Variants in NKAIN3 observed in about 807,000 individuals in gnomAD.
The protein encoded by NKAIN3 is sodium/potassium-transporting ATPase subunit beta-1-interacting protein 3.
A neutral mutation model predicts 30.2 loss-of-function variants in NKAIN3; 25 were observed. The observed-to-expected ratio is 0.83, with a 90% CI of 0.60 to 1.16. The LOEUF is 1.16. NKAIN3 is among the 50% of genes most tolerant of loss of function. The pLI, the probability that NKAIN3 is intolerant of heterozygous loss-of-function variation, is 0.00. For missense variants in NKAIN3, 225 were observed against 254.1 expected (o/e 0.89, Z 0.78); for synonymous variants, 91 against 89.6 (o/e 1.02, Z -0.09).
intron 4 of NKAIN3, among the ~76,000 whole-genome samples, chr8:62,896,711 T>C (rs1821438735): frequency 6.6e-6 from 1 of 152,196 alleles, no homozygotes; most frequent in African/African-American, 2.4e-5. Flanking sequence ...GTTGGTTAAG[T>C]GGCTCTAGCT....
chr8:62,693,478 A>G (rs1474505069), intron 3 of NKAIN3, among the ~76,000 whole-genome samples: 2 of 152,214 alleles, frequency 1.3e-5, no homozygotes, highest in African/African-American at 2.4e-5. Context: ...GGTCAGTGCA[A>G]AGGCTTAGCC....
intron 1 of NKAIN3, among the ~76,000 whole-genome samples, chr8:62,410,618 A>G (rs911801787): frequency 6.6e-6 from 1 of 152,186 alleles, no homozygotes; most frequent in Non-Finnish European, 1.5e-5. Context: ...ACCACTAGCT[A>G]GATTAACAAA....
At chr8:62,848,375 T>C (rs1819756770) in intron 4 of NKAIN3, among the ~76,000 whole-genome samples, 1 of 152,068 alleles carries the variant, frequency 6.6e-6, no homozygotes, top group Non-Finnish European at 1.5e-5. Context: ...TTCTTAAAAA[T>C]ATCCTTCATT....
intron 4 of NKAIN3, among the ~76,000 whole-genome samples, chr8:62,771,831 A>G (rs1817022334): frequency 6.6e-6 from 1 of 152,188 alleles, no homozygotes; most frequent in African/African-American, 2.4e-5. Context: ...ACTTTGATAC[A>G]GGCATACAAT....
intron 1 of NKAIN3, among the ~76,000 whole-genome samples, chr8:62,477,262 G>C (rs182000743): frequency 3.3e-5 from 5 of 152,208 alleles, no homozygotes; most frequent in East Asian, 1.9e-4. Flanking sequence ...GCAAATGTAC[G>C]CATGCACACA....
chr8:62,572,732 T>C (rs912652430), intron 1 of NKAIN3, among the ~76,000 whole-genome samples: 2 of 151,310 alleles, frequency 1.3e-5, no homozygotes, highest in African/African-American at 4.9e-5. Flanking sequence ...TTTAAAACCA[T>C]TAGATCTCAT....
intron 4 of NKAIN3, among the ~76,000 whole-genome samples, chr8:62,782,083 A>G (rs1330595841): frequency 6.6e-6 from 1 of 151,984 alleles, no homozygotes; most frequent in Non-Finnish European, 1.5e-5. Flanking sequence ...CTCAACAGGA[A>G]AAAATTCTCA....
At chr8:62,472,025 G>A (rs1806368664) in intron 1 of NKAIN3, among the ~76,000 whole-genome samples, 1 of 77,466 alleles carries the variant, frequency 1.3e-5, no homozygotes, top group Non-Finnish European at 2.8e-5. Flanking sequence ...GCAAGACTCT[G>A]TTTAAAAAAA....
chr8:62,298,946 A>G (rs1472220994), intron 1 of NKAIN3, among the ~76,000 whole-genome samples: 1 of 151,490 alleles, frequency 6.6e-6, no homozygotes, highest in Non-Finnish European at 1.5e-5. Flanking sequence ...CCCCAATACA[A>G]TGCAAGATCC....
At chr8:62,691,970 C>CTGAT (rs1813981747) in intron 3 of NKAIN3, among the ~76,000 whole-genome samples, 2 of 152,206 alleles carry the variant, frequency 1.3e-5, no homozygotes, top group Non-Finnish European at 2.9e-5. Flanking sequence ...GGCAGCTTTG[C>CTGAT]TGATCTTTGA....
intron 1 of NKAIN3, among the ~76,000 whole-genome samples, chr8:62,403,058 C>G (rs189783081): frequency 5.3e-4 from 81 of 152,264 alleles, no homozygotes; most frequent in South Asian, 2.5e-3. Context: ...CTGAGGTGGT[C>G]TCAGATGGAG....
intron 1 of NKAIN3, among the ~76,000 whole-genome samples, chr8:62,569,196 T>C (rs976284112): frequency 2.0e-5 from 3 of 152,180 alleles, no homozygotes; most frequent in East Asian, 1.9e-4. Flanking sequence ...CTGTCTAGCA[T>C]AGTGGCAAGT....
intron 1 of NKAIN3, among the ~76,000 whole-genome samples, chr8:62,578,627 AAAGCAGGGATAGGTAG>A (rs1395333774): frequency 6.6e-6 from 1 of 150,622 alleles, no homozygotes; most frequent in Admixed American, 6.7e-5. Context: ...TTCACACAAG[AAAGCAGGGATAGGTAG>A]AAGGTTTTTT....
chr8:62,732,948 A>G (rs529292047), intron 3 of NKAIN3, among the ~76,000 whole-genome samples: 1 of 152,080 alleles, frequency 6.6e-6, no homozygotes, highest in Non-Finnish European at 1.5e-5. Flanking sequence ...GATTATTCAT[A>G]TATGTGTTAT....
At chr8:62,802,262 CA>C (rs1818092752) in intron 4 of NKAIN3, among the ~76,000 whole-genome samples, 1 of 152,162 alleles carries the variant, frequency 6.6e-6, no homozygotes, top group Non-Finnish European at 1.5e-5. Context: ...TCAGGAAATA[CA>C]GAGAACGCCA....
At chr8:62,527,549 T>A (rs1016583305) in intron 1 of NKAIN3, among the ~76,000 whole-genome samples, 4 of 152,184 alleles carry the variant, frequency 2.6e-5, no homozygotes, top group Admixed American at 2.0e-4. Context: ...CATTCCGATA[T>A]AATTAGCAGA....
intron 6 of NKAIN3, among the ~76,000 whole-genome samples, chr8:62,961,269 G>A (rs1823562571): frequency 6.6e-6 from 1 of 150,604 alleles, no homozygotes; most frequent in South Asian, 2.1e-4. Flanking sequence ...GACAGAGTGA[G>A]ACTCTGTCTC....
At chr8:62,387,453 T>C (rs546477257) in intron 1 of NKAIN3, among the ~76,000 whole-genome samples, 13 of 152,306 alleles carry the variant, frequency 8.5e-5, no homozygotes, top group African/African-American at 3.1e-4. Context: ...CCCATCCACA[T>C]TGAACGGCCA....
intron 1 of NKAIN3, among the ~76,000 whole-genome samples, chr8:62,534,935 C>A (rs1271242625): frequency 1.3e-5 from 2 of 150,684 alleles, no homozygotes; most frequent in Non-Finnish European, 2.9e-5. Flanking sequence ...TGTTCATGAG[C>A]AGCTTCCTGT....
Sources: allele counts gnomAD v4.1 joint callset (sites outside exome capture counted in the v4.1 genomes callset), GRCh38; gene constraint gnomAD v4.1.1; transcripts MANE v1.5; gene names NCBI Gene and HGNC (gene_info 2026-07-23, HGNC 2026-07-21).